Variants in GFRA1 observed in about 807,000 individuals in gnomAD.
GFRA1 encodes the protein GDNF family receptor alpha-1.
In GFRA1, 16 loss-of-function variants were observed where a neutral mutation model predicts 51.6. The ratio of observed to expected loss-of-function variants is 0.31; its 90% CI spans 0.21 to 0.47. The LOEUF is 0.47. Ranked by LOEUF, GFRA1 falls within the 20% of genes least tolerant of loss-of-function variation. GFRA1 has a pLI of 1.00. For missense variants in GFRA1, 530 were observed against 594.3 expected (o/e 0.89, Z 1.13); for synonymous variants, 270 against 241.3 (o/e 1.12, Z -1.10).
In GFRA1 at chr10:116,057,034, C is replaced by A. The variant is rs1589751459; in HGVS notation, c.*7364G>T. The A allele has an allele frequency of 6.6e-6, 1 of 152,154 alleles. No individual in the cohort carries two copies. Among genetic ancestry groups the A allele is most frequent in the Non-Finnish European group, 1.5e-5 (1 of 68,032 alleles). The allele number at this position is 152,154 out of a possible 1,614,324, so 9.4% of individuals were successfully genotyped here. A position where few individuals can be genotyped will look rare whatever the true frequency, so the allele number is the denominator to read the frequency against. On this transcript the variant is annotated 3_prime_UTR_variant, in exon 11 of 11. Coordinates refer to ENST00000355422, the MANE Select transcript of GFRA1 (RefSeq NM_005264.8). The stretch of plus-strand genomic sequence containing the variant: ...TTGAGCAATAGGCTAACAGAAAATT[C>A]GAACATCACAAAACCACTTCCAAAG...
intron 4 of GFRA1, among the ~76,000 whole-genome samples, chr10:116,239,649 T>A (rs1398074423): frequency 6.6e-6 from 1 of 152,224 alleles, no homozygotes; most frequent in African/African-American, 2.4e-5. Flanking sequence ...ACATTTAGAA[T>A]GGAATTCTTT....
At chr10:116,104,658 G>GC (rs1196529762) in intron 6 of GFRA1, among the ~76,000 whole-genome samples, 1 of 152,182 alleles carries the variant, frequency 6.6e-6, no homozygotes, top group Admixed American at 6.5e-5. Flanking sequence ...AACTGCAGTA[G>GC]CCCCCCGAGG....
At chr10:116,135,173 G>C (rs752719686) in intron 5 of GFRA1, among the ~76,000 whole-genome samples, 5 of 152,160 alleles carry the variant, frequency 3.3e-5, no homozygotes, top group Non-Finnish European at 5.9e-5. Flanking sequence ...ACAGGCATTT[G>C]GAACTTGGTG....
intron 5 of GFRA1, among the ~76,000 whole-genome samples, chr10:116,207,894 G>T (rs542725219): frequency 6.6e-6 from 1 of 152,020 alleles, no homozygotes; most frequent in African/African-American, 2.4e-5. Flanking sequence ...CTTGAAGCAC[G>T]GCAGTTAGAG....
At chr10:116,085,000 A>G (rs17668282) in intron 9 of GFRA1, among the ~76,000 whole-genome samples, 3,969 of 152,302 alleles carry the variant, frequency 0.026, 89 homozygotes, top group Non-Finnish European at 0.037. Context: ...TATGACTGCC[A>G]ATTAATCCTG....
chr10:116,221,612 A>T (rs1489746120), intron 4 of GFRA1, among the ~76,000 whole-genome samples: 5 of 152,248 alleles, frequency 3.3e-5, no homozygotes, highest in African/African-American at 9.6e-5. Flanking sequence ...TTTAGCAGAG[A>T]TGTGGTTTCA....
At chr10:116,212,654 G>A (rs1432488203) in intron 4 of GFRA1, among the ~76,000 whole-genome samples, 1 of 151,756 alleles carries the variant, frequency 6.6e-6, no homozygotes, top group East Asian at 1.9e-4. Flanking sequence ...TTATGTAAAT[G>A]GACTGATACA....
chr10:116,180,855 C>T (rs971202050), intron 5 of GFRA1, among the ~76,000 whole-genome samples: 12 of 152,200 alleles, frequency 7.9e-5, no homozygotes, highest in Admixed American at 5.2e-4. Flanking sequence ...TCTGCAGTCT[C>T]TTTTTCTAGA....
At chr10:116,239,948 C>T (rs1967217064) in intron 4 of GFRA1, among the ~76,000 whole-genome samples, 1 of 152,118 alleles carries the variant, frequency 6.6e-6, no homozygotes, top group Non-Finnish European at 1.5e-5. Context: ...GGAGGTTCAT[C>T]AGACTGAAAG....
At chr10:116,204,542 A>G (rs1964581342) in intron 5 of GFRA1, among the ~76,000 whole-genome samples, 1 of 152,164 alleles carries the variant, frequency 6.6e-6, no homozygotes, top group African/African-American at 2.4e-5. Context: ...TTACGGTGGG[A>G]AATATAAATG....
intron 4 of GFRA1, among the ~76,000 whole-genome samples, chr10:116,214,496 T>C (rs961053724): frequency 1.3e-5 from 2 of 152,094 alleles, no homozygotes; most frequent in African/African-American, 4.8e-5. Flanking sequence ...TCCCAGACAG[T>C]TCAGAGATTT....
chr10:116,078,049 G>A (rs1028397151), intron 9 of GFRA1, among the ~76,000 whole-genome samples: 1 of 152,280 alleles, frequency 6.6e-6, no homozygotes, highest in East Asian at 1.9e-4. Flanking sequence ...AGGATGTAGG[G>A]TGCCACACAT....
intron 8 of GFRA1, among the ~76,000 whole-genome samples, chr10:116,091,058 C>G (rs1400614767): frequency 6.6e-6 from 1 of 152,164 alleles, no homozygotes; most frequent in Non-Finnish European, 1.5e-5. Context: ...CACACAGGGA[C>G]CAGTTCCCTT....
chr10:116,255,137 G>A (rs554245272), intron 4 of GFRA1, among the ~76,000 whole-genome samples: 22 of 152,206 alleles, frequency 1.4e-4, no homozygotes, highest in Non-Finnish European at 2.6e-4. Flanking sequence ...TCTGGGCTTC[G>A]ACTTCTTTAT....
Position 116,125,381 on chromosome 10 carries a change from G to A in GFRA1, c.610C>T (p.Pro204Ser), listed in dbSNP as rs927034294. 6.2e-7 allele frequency: 1 copy of A among 1,614,138 alleles called. No homozygotes were observed. The highest frequency in any genetic ancestry group is 1.3e-5 in the African/African-American group (1 of 74,956). Reference sequence around the variant, plus strand: ...AGCATTCCGTAGCTGTGCTTGGCCGGGACCTTGTCAAAGAACTGCCGGAGG... The same window carrying A: ...AGCATTCCGTAGCTGTGCTTGGCCGAGACCTTGTCAAAGAACTGCCGGAGG... ...KALRQFFDKV[P>S]AKHSYGMLFC... is the part of the protein sequence containing the mutation. Residue 204 changes from proline to serine, a missense_variant, in exon 6 of 11, where the codon CCG becomes TCG. By Grantham distance (74) the Pro-to-Ser change is moderately conservative. Transcript: ENST00000355422.
At chr10:116,249,151 A>G (rs1399517628) in intron 4 of GFRA1, among the ~76,000 whole-genome samples, 2 of 152,100 alleles carry the variant, frequency 1.3e-5, no homozygotes, top group African/African-American at 2.4e-5. Flanking sequence ...CTTTGGGATC[A>G]CTTTTTACAC....
chr10:116,105,362 A>G (rs1956967595), intron 6 of GFRA1, among the ~76,000 whole-genome samples: 1 of 152,086 alleles, frequency 6.6e-6, no homozygotes, highest in Non-Finnish European at 1.5e-5. Context: ...ACACCTTAAA[A>G]CTCTAGACCA....
intron 5 of GFRA1, among the ~76,000 whole-genome samples, chr10:116,157,916 C>G (rs1030968912): frequency 5.9e-5 from 9 of 152,166 alleles, no homozygotes; most frequent in African/African-American, 2.2e-4. Flanking sequence ...CTTAGATGCT[C>G]TGATGATCCC....
Position 116,065,368 on chromosome 10 carries a change from G to C in GFRA1, c.1251+205C>G, listed in dbSNP as rs1955054305. Among the ~76,000 whole-genome samples the C allele has an allele frequency of 2.6e-5, 4 of 152,202 alleles. No homozygotes were observed. In the South Asian group the frequency reaches 8.3e-4, roughly 32 times the overall value. On this transcript the variant is annotated intron_variant, in intron 10 of 10. Coordinates refer to ENST00000355422, the MANE Select transcript of GFRA1 (RefSeq NM_005264.8). Reference sequence around the variant, plus strand: ...TATTAATCCTTGGACAAAGATTCCAGGTCCCATGCTTACTTCCAACTTTGT... The same window carrying C: ...TATTAATCCTTGGACAAAGATTCCACGTCCCATGCTTACTTCCAACTTTGT...
Sources: gnomAD v4.1 joint callset for allele counts (sites outside exome capture counted in the v4.1 genomes callset) on GRCh38, gnomAD v4.1.1 for gene constraint, MANE v1.5 for transcripts, NCBI Gene and HGNC (gene_info 2026-07-23, HGNC 2026-07-21) for gene names.